The following RRM2B variants were observed in gnomAD, a reference collection of about 807,000 sequenced individuals.
RRM2B encodes ribonucleotide reductase regulatory TP53 inducible subunit M2B.
In RRM2B, 20 loss-of-function variants were observed where a neutral mutation model predicts 45.9. That is an observed-to-expected ratio of 0.44 (90% CI 0.31 to 0.63). The LOEUF is 0.63. Ranked by LOEUF, RRM2B falls within the 30% of genes least tolerant of loss-of-function variation. The probability of loss-of-function intolerance (pLI) is 0.09; values close to 1 mark genes in which losing one functional copy is unlikely to be tolerated. For missense variants in RRM2B, 320 were observed against 414.7 expected (o/e 0.77, Z 1.98); for synonymous variants, 124 against 132.3 (o/e 0.94, Z 0.43).
intron 2 of RRM2B, among the ~76,000 whole-genome samples, chr8:102,226,280 G>A (rs1810930069): frequency 6.6e-6 from 1 of 151,382 alleles, no homozygotes; most frequent in Admixed American, 6.6e-5. Context: ...TAAACTATGT[G>A]AGGCAAAGGA....
rs1221068036 is a variant in RRM2B, at chr8:102,208,243, A to G, written c.946T>C (p.Ser316Pro). Residue 316 changes from serine (S) to proline (P), a missense_variant, in exon 9 of 9, where the codon TCT (serine) becomes CCT (proline). Ser to Pro is a moderately conservative substitution (Grantham distance 74). This residue lies in a region of RRM2B where 47 missense variants were observed against 90.0 expected (regional missense o/e 0.52). Coordinates refer to ENST00000251810, the MANE Select transcript of RRM2B (RefSeq NM_015713.5). ...AAGAAATTTGTTTTTCCTTCTAAAGAAATGTTTTCCATAAAATCAAAAGGA... is the reference window on the plus strand; with the variant it reads ...AAGAAATTTGTTTTTCCTTCTAAAGGAATGTTTTCCATAAAATCAAAAGGA... Reference protein sequence around the residue: ...ENPFDFMENISLEGKTNFFEK... With the variant: ...ENPFDFMENIPLEGKTNFFEK... 6.3e-7 allele frequency: 1 copy of G among 1,591,364 alleles called. No individual in the cohort carries two copies. The highest frequency in any genetic ancestry group is 1.3e-5 in the African/African-American group (1 of 74,430).
chr8:102,209,810 A>C (rs1161732792), intron 8 of RRM2B, among the ~76,000 whole-genome samples: 4 of 152,262 alleles, frequency 2.6e-5, no homozygotes, highest in African/African-American at 9.6e-5. Context: ...AAAGGAATAA[A>C]GCACTGATAC....
At chr8:102,236,193 G>A (rs1811117830) in intron 1 of RRM2B, among the ~76,000 whole-genome samples, 1 of 152,132 alleles carries the variant, frequency 6.6e-6, no homozygotes. Flanking sequence ...TCAATTTTGT[G>A]GCCAAAGATC....
At chr8:102,226,299 T>C (rs964138289) in intron 2 of RRM2B, among the ~76,000 whole-genome samples, 2 of 148,894 alleles carry the variant, frequency 1.3e-5, no homozygotes, top group Admixed American at 6.7e-5. Flanking sequence ...GAAATATTAA[T>C]TTGTTACATA....
chr8:102,215,116 A>G (rs941828586), intron 6 of RRM2B, among the ~76,000 whole-genome samples: 24 of 151,540 alleles, frequency 1.6e-4, no homozygotes, highest in Admixed American at 9.9e-4. Flanking sequence ...TCGGATATAG[A>G]AAGATGGAAT....
Position 102,216,637 on chromosome 8 carries a change from TAGTG to T in RRM2B, c.684+2173_684+2176del, listed in dbSNP as rs1409767358. 2.0e-5 allele frequency among the ~76,000 whole-genome samples: 3 copies of T among 152,202 alleles called. No individual in the cohort carries two copies. In the East Asian group the frequency reaches 5.8e-4, roughly 29 times the overall value. ...GACTACTGAAGAAATAACCTTAAAA[TAGTG>T]AGAGCACTCAGAGTTAAATAACAAA... On this transcript the variant is annotated intron_variant, in intron 6 of 8. Transcript: ENST00000251810.
chr8:102,214,905 T>C (rs1810700147), intron 6 of RRM2B, among the ~76,000 whole-genome samples: 1 of 149,036 alleles, frequency 6.7e-6, no homozygotes, highest in Non-Finnish European at 1.5e-5. Context: ...CAACCAAAAA[T>C]GAAAATAAAC....
chr8:102,221,942 GA>G (rs1810844076), intron 5 of RRM2B, among the ~76,000 whole-genome samples: 1 of 152,152 alleles, frequency 6.6e-6, no homozygotes, highest in Non-Finnish European at 1.5e-5. Context: ...GGAATCAGCT[GA>G]ATACAAAATG....
chr8:102,221,536 A>C (rs932172980), intron 5 of RRM2B, among the ~76,000 whole-genome samples: 1 of 152,108 alleles, frequency 6.6e-6, no homozygotes, highest in Non-Finnish European at 1.5e-5. Flanking sequence ...ACTCCCAAAA[A>C]GGAGAGCCAC....
At chr8:102,219,019 A>G (rs1373335464) in intron 5 of RRM2B, 72 bp from the exon 6 acceptor site, 11 of 1,402,186 alleles carry the variant, frequency 7.8e-6, no homozygotes, top group Middle Eastern at 1.8e-4. Flanking sequence ...ATACACATAT[A>G]TAACAATAAA....
chr8:102,205,400 T>G lies in RRM2B; in HGVS notation c.*2733A>C, dbSNP rs1374455368. ...ATATGGATGTTTCTAAATGAGACAA[T>G]GAGACAATTATAAAAATTTCATGTA... On this transcript the variant is annotated 3_prime_UTR_variant, in exon 9 of 9. Transcript: ENST00000251810. 2 of 152,236 alleles carry G rather than the reference T, an allele frequency of 1.3e-5. No homozygotes were observed. The highest frequency in any genetic ancestry group is 1.9e-4 in the East Asian group (1 of 5,190). 9.4% of individuals were successfully genotyped at this position (152,236 alleles called of 1,614,324 possible).
In RRM2B at chr8:102,215,361, G is replaced by C. The variant is rs528875887; in HGVS notation, c.685-1203C>G. ...GGAGGTCAAGGCTGCAGTGAGCTGA[G>C]ATCACGCCACTGCACTCCAGCCTGG... On this transcript the variant is annotated intron_variant, in intron 6 of 8. Transcript: ENST00000251810. Among the ~76,000 whole-genome samples the C allele has an allele frequency of 5.9e-5, 9 of 151,452 alleles. No individual in the cohort carries two copies. In the South Asian group the frequency reaches 1.7e-3, roughly 28 times the overall value.
intron 8 of RRM2B, 126 bp downstream of exon 8, chr8:102,212,650 A>G (rs1399960852): frequency 4.9e-6 from 3 of 617,788 alleles, no homozygotes; most frequent in Non-Finnish European, 8.6e-6. Context: ...ATACAAAACA[A>G]GTCTCTGTCA....
chr8:102,213,485 A>G (rs1810670537), intron 7 of RRM2B, among the ~76,000 whole-genome samples: 1 of 152,202 alleles, frequency 6.6e-6, no homozygotes, highest in Non-Finnish European at 1.5e-5. Flanking sequence ...CTCTTTCAAT[A>G]TACAAACTAC....
chr8:102,224,616 G>C (rs1370426630), intron 4 of RRM2B, among the ~76,000 whole-genome samples: 1 of 152,086 alleles, frequency 6.6e-6, no homozygotes, highest in Admixed American at 6.6e-5. Context: ...TTTGAATCTG[G>C]TCTCATACAA....
At chr8:102,210,635 G>C (rs561729643) in intron 8 of RRM2B, among the ~76,000 whole-genome samples, 26 of 152,196 alleles carry the variant, frequency 1.7e-4, no homozygotes, top group Non-Finnish European at 3.2e-4. Context: ...GCTAATTGTT[G>C]TATTTTTAGT....
In RRM2B at chr8:102,224,155, G is replaced by T; in HGVS notation, c.456-15C>A. On this transcript the variant is annotated splice_polypyrimidine_tract_variant and intron_variant, in intron 4 of 8. Transcript: ENST00000251810. ...ATAAAAATTCCCTGTAAAAACAAAA[G>T]AATGAACAGCAAAGTTATTCACTTG... 6.9e-7 allele frequency: 1 copy of T among 1,446,480 alleles called. No individual in the cohort carries two copies. Among genetic ancestry groups the T allele is most frequent in the Non-Finnish European group, 9.7e-7 (1 of 1,029,706 alleles). The allele number at this position is 1,446,480 out of a possible 1,614,324, so 89.6% of individuals were successfully genotyped here. A position where few individuals can be genotyped will look rare whatever the true frequency, so the allele number is the denominator to read the frequency against.
At chr8:102,226,651 T>C (rs2132556977) in intron 2 of RRM2B, among the ~76,000 whole-genome samples, 1 of 152,340 alleles carries the variant, frequency 6.6e-6, no homozygotes, top group Admixed American at 6.5e-5. Context: ...CTGTAGCTGC[T>C]ACTTTACTGC....
chr8:102,218,365 G>A lies in RRM2B; in HGVS notation c.684+449C>T, dbSNP rs193221141. On this transcript the variant is annotated intron_variant, in intron 6 of 8. Coordinates refer to ENST00000251810, the MANE Select transcript of RRM2B (RefSeq NM_015713.5). ...TGCAGTGTCTTAAAAGCAAGATGAC[G>A]TGACTTCCTATTTTAATTACCAGGA... Among the ~76,000 whole-genome samples, 528 of 152,230 alleles carry A rather than the reference G, an allele frequency of 3.5e-3. 3 individuals are homozygous for A. Among genetic ancestry groups the A allele is most frequent in the South Asian group, 0.012 (60 of 4,820 alleles).
Sources: gnomAD v4.1 joint callset for allele counts (sites outside exome capture counted in the v4.1 genomes callset) on GRCh38, gnomAD v4.1.1 for gene constraint, gnomAD v4.1.1 regional missense constraint, MANE v1.5 for transcripts, NCBI Gene and HGNC (gene_info 2026-07-23, HGNC 2026-07-21) for gene names.